The following CELF4 variants were observed in gnomAD, a reference collection of about 807,000 sequenced individuals.
CELF4 encodes CUGBP Elav-like family member 4, also known as CUG-BP- and ETR-3-like factor 4.
In CELF4, 18 loss-of-function variants were observed where a neutral mutation model predicts 59.9. The ratio of observed to expected loss-of-function variants is 0.30; its 90% CI spans 0.21 to 0.45. The LOEUF (loss-of-function observed/expected upper bound fraction) is 0.45. Among genes scored for constraint, CELF4 ranks in the 20% least tolerant of loss-of-function variants. CELF4 has a pLI of 1.00. For missense variants in CELF4, 456 were observed against 689.0 expected (o/e 0.66, Z 3.79); for synonymous variants, 261 against 267.1 (o/e 0.98, Z 0.22).
intron 2 of CELF4, among the ~76,000 whole-genome samples, chr18:37,481,100 C>A (rs1292618109): frequency 6.6e-6 from 1 of 152,140 alleles, no homozygotes; most frequent in Non-Finnish European, 1.5e-5. Flanking sequence ...CGGGACTCTG[C>A]ATGTCTGCCA....
At chr18:37,528,755 T>C (rs1176566168) in intron 1 of CELF4, among the ~76,000 whole-genome samples, 3 of 152,180 alleles carry the variant, frequency 2.0e-5, no homozygotes, top group Non-Finnish European at 4.4e-5. Flanking sequence ...CCTTTGCACG[T>C]GTTACTGACT....
At chr18:37,261,245 C>G (rs1176600503) in intron 10 of CELF4, among the ~76,000 whole-genome samples, 1 of 151,904 alleles carries the variant, frequency 6.6e-6, no homozygotes, top group East Asian at 1.9e-4. Context: ...CCAGCCCCCC[C>G]CACACCTCCC....
Position 37,505,079 on chromosome 18 carries a change from C to T in CELF4, c.287-19472G>A, listed in dbSNP as rs113177594. On this transcript the variant is annotated intron_variant, in intron 1 of 12. Transcript: ENST00000420428. ...GGCAGGAGAAGTGCCTTGGGGTTCT[C>T]TGGTTAGGAGAAGCAGGGGCAGGGG... is the stretch of plus-strand genomic sequence containing the variant. Among the ~76,000 whole-genome samples the T allele has an allele frequency of 3.1e-3, 479 of 152,324 alleles. 1 individual carries two copies. Among genetic ancestry groups the T allele is most frequent in the African/African-American group, 0.011 (458 of 41,572 alleles).
chr18:37,476,698 A>G (rs2099850274), intron 2 of CELF4, among the ~76,000 whole-genome samples: 1 of 152,158 alleles, frequency 6.6e-6, no homozygotes, highest in African/African-American at 2.4e-5. Flanking sequence ...CTCCAATCCT[A>G]AAACACATCC....
At chr18:37,444,913 T>G (rs543362967) in intron 2 of CELF4, among the ~76,000 whole-genome samples, 248 of 152,268 alleles carry the variant, frequency 1.6e-3, no homozygotes, top group Non-Finnish European at 1.7e-3. Context: ...GAGAGGGTGC[T>G]GTTGGAACAT....
chr18:37,340,960 G>A (rs1178127254), intron 2 of CELF4, among the ~76,000 whole-genome samples: 2 of 152,182 alleles, frequency 1.3e-5, no homozygotes, highest in Non-Finnish European at 2.9e-5. Flanking sequence ...AGCTTCCACT[G>A]TTCAGTCCCC....
intron 2 of CELF4, among the ~76,000 whole-genome samples, chr18:37,421,644 G>C (rs887607200): frequency 1.4e-4 from 21 of 152,374 alleles, no homozygotes; most frequent in African/African-American, 4.6e-4. Context: ...TGTGGCCTGA[G>C]CACACAGTGG....
At chr18:37,525,093 T>G (rs748294292) in intron 1 of CELF4, among the ~76,000 whole-genome samples, 6 of 152,166 alleles carry the variant, frequency 3.9e-5, no homozygotes, top group Non-Finnish European at 8.8e-5. Context: ...TATCCCTTTT[T>G]GTGCCTCCCC....
chr18:37,383,634 TA>T (rs2099066950), intron 2 of CELF4, among the ~76,000 whole-genome samples: 1 of 152,234 alleles, frequency 6.6e-6, no homozygotes, highest in East Asian at 1.9e-4. Flanking sequence ...GTGGCATCTG[TA>T]AACCACTCCT....
At chr18:37,406,081 C>T (rs1603637106) in intron 2 of CELF4, among the ~76,000 whole-genome samples, 1 of 152,116 alleles carries the variant, frequency 6.6e-6, no homozygotes, top group Non-Finnish European at 1.5e-5. Flanking sequence ...CGCAGGTTCG[C>T]TGGAGAAACT....
chr18:37,466,898 G>A (rs894916841), intron 2 of CELF4, among the ~76,000 whole-genome samples: 2 of 152,190 alleles, frequency 1.3e-5, no homozygotes, highest in African/African-American at 4.8e-5. Flanking sequence ...GCGGACATAG[G>A]AGGATGCCAG....
Position 37,563,086 on chromosome 18 carries a change from A to G in CELF4, c.286+2270T>C, listed in dbSNP as rs114101770. Among the ~76,000 whole-genome samples, 1,098 of 150,478 alleles carry G rather than the reference A, an allele frequency of 7.3e-3. 15 individuals carry two copies. The highest frequency in any genetic ancestry group is 0.025 in the African/African-American group (1,045 of 41,186). On this transcript the variant is annotated intron_variant, in intron 1 of 12. Coordinates refer to ENST00000420428, the MANE Select transcript of CELF4 (RefSeq NM_020180.4). ...CTATATCTATATATAAAATATATGT[A>G]ATATATGTATTACGTATATATTATA...
chr18:37,272,063 G>C (rs778062220), intron 7 of CELF4, among the ~76,000 whole-genome samples: 1 of 152,198 alleles, frequency 6.6e-6, no homozygotes, highest in African/African-American at 2.4e-5. Flanking sequence ...AGATGGCACA[G>C]TCTTTTTGGC....
chr18:37,364,867 AG>A (rs2154561790), intron 2 of CELF4, among the ~76,000 whole-genome samples: 1 of 152,306 alleles, frequency 6.6e-6, no homozygotes, highest in Non-Finnish European at 1.5e-5. Context: ...AAGGAGGGTC[AG>A]GGAAGGCTGT....
chr18:37,480,674 C>T (rs1376447694), intron 2 of CELF4, among the ~76,000 whole-genome samples: 1 of 152,026 alleles, frequency 6.6e-6, no homozygotes, highest in African/African-American at 2.4e-5. Flanking sequence ...GGGGGCCCCA[C>T]CAGAGCCTCC....
chr18:37,311,076 C>A (rs952800622), intron 3 of CELF4, among the ~76,000 whole-genome samples: 3 of 151,924 alleles, frequency 2.0e-5, no homozygotes, highest in Non-Finnish European at 4.4e-5. Flanking sequence ...CTGAAACAAT[C>A]CTTTGCTAAA....
intron 6 of CELF4, 180 bp downstream of exon 6, chr18:37,274,131 G>A (rs1392415097): frequency 2.1e-6 from 3 of 1,412,552 alleles, no homozygotes; most frequent in Non-Finnish European, 2.7e-6. Flanking sequence ...AACTGGGCCA[G>A]CCTTCTTTCA....
rs571215756 is a variant in CELF4 at position 37,508,403 on chromosome 18, C to T, written c.287-22796G>A. On this transcript the variant is annotated intron_variant, in intron 1 of 12. Transcript: ENST00000420428. ...CTGGGCCCATTTGCTGTGCTAATTG[C>T]CTGACAGAATTACAGGGCAGGTGTC... Among the ~76,000 whole-genome samples, 15 of 152,306 alleles carry T rather than the reference C, an allele frequency of 9.8e-5. No individual in the cohort carries two copies. The South Asian group carries it at 2.7e-3, about 27-fold the overall frequency.
intron 2 of CELF4, among the ~76,000 whole-genome samples, chr18:37,378,805 C>T (rs1165820437): frequency 6.6e-6 from 1 of 152,058 alleles, no homozygotes; most frequent in South Asian, 2.1e-4. Context: ...GGGTGCACTG[C>T]CCCACGAGTC....
Sources: gnomAD v4.1 joint callset for allele counts (sites outside exome capture counted in the v4.1 genomes callset) on GRCh38, gnomAD v4.1.1 for gene constraint, MANE v1.5 for transcripts, NCBI Gene and HGNC (gene_info 2026-07-23, HGNC 2026-07-21) for gene names.